The following TNC variants were observed in gnomAD, a reference collection of about 807,000 sequenced individuals.
The protein encoded by TNC is tenascin C.
In TNC, 109 loss-of-function variants were observed where a neutral mutation model predicts 202.4. That is an observed-to-expected ratio of 0.54 (90% CI 0.46 to 0.63). The LOEUF is 0.63. TNC is among the 30% of genes least tolerant of loss of function. The pLI, the probability that TNC is intolerant of heterozygous loss-of-function variation, is 0.00. For missense variants in TNC, 2,756 were observed against 2,833.3 expected, an observed-to-expected ratio of 0.97 and a Z score of 0.62; for synonymous variants, 1,007 against 1,089.7, an observed-to-expected ratio of 0.92 and a Z score of 1.50.
intron 21 of TNC, chr9:115,035,804 C>G (rs1830280471): frequency 2.9e-6 from 1 of 341,946 alleles, no homozygotes; most frequent in African/African-American, 2.1e-5. Flanking sequence ...GAACGTGGAT[C>G]ATTAAATACT....
rs1313802104 is a variant in TNC, at chr9:115,103,963, A to ACTAGATCC, written c.-136-12817_-136-12810dup. Among the ~76,000 whole-genome samples, 13 of 148,020 alleles carry ACTAGATCC rather than the reference A, an allele frequency of 8.8e-5. No individual in the cohort carries two copies. The Admixed American group carries it at 8.9e-4, about 10-fold the overall frequency. ...CTAAGAAATGCTCAGATGAAATATG[A>ACTAGATCC]CTAGATCCATTGATACATTCAGACC... On this transcript the variant is annotated intron_variant, in intron 1 of 27. Transcript: ENST00000350763.
At chr9:115,104,575 T>A (rs1328651574) in intron 1 of TNC, among the ~76,000 whole-genome samples, 1 of 152,206 alleles carries the variant, frequency 6.6e-6, no homozygotes, top group Non-Finnish European at 1.5e-5. Flanking sequence ...AATTGTGGCT[T>A]ATTCAACTAT....
intron 25 of TNC, among the ~76,000 whole-genome samples, chr9:115,028,724 G>C (rs999368316): frequency 4.6e-5 from 7 of 152,004 alleles, no homozygotes; most frequent in South Asian, 2.1e-4. Context: ...TATCTCCACA[G>C]ATAGTTATTC....
In TNC at chr9:115,058,500, G is replaced by A. The variant is rs185840800; in HGVS notation, c.4307-1075C>T. On this transcript the variant is annotated intron_variant, in intron 14 of 27. Transcript: ENST00000350763. The stretch of plus-strand genomic sequence containing the variant: ...GTGGTGGGTGATTACTTTGCCTTCT[G>A]GGAAGGGATGGTTTATGGGTCTCAG... Among the ~76,000 whole-genome samples the A allele has an allele frequency of 4.1e-4, 63 of 152,324 alleles. 1 individual carries two copies. The highest frequency in any genetic ancestry group is 6.2e-4 in the Non-Finnish European group (42 of 68,024).
Position 115,118,078 on chromosome 9 carries a change from A to C in TNC, c.-233T>G, listed in dbSNP as rs3748164. ...TGCGCGTTCCCCCGAGTTCCCCAGC[A>C]GCGCTGCCTTTGTGCCCACGGAGGC... is the stretch of plus-strand genomic sequence containing the variant. On this transcript the variant is annotated 5_prime_UTR_variant, in exon 1 of 28. Transcript: ENST00000350763. 4,489 of 152,320 alleles carry C rather than the reference A, an allele frequency of 0.029. 436 individuals are homozygous for C. In the East Asian group the frequency reaches 0.4, roughly 13 times the overall value. 9.4% of individuals were successfully genotyped at this position (152,320 alleles called of 1,614,324 possible). A position where few individuals can be genotyped will look rare whatever the true frequency, so the allele number is the denominator to read the frequency against.
chr9:115,099,144 G>A (rs1051164200), intron 1 of TNC, among the ~76,000 whole-genome samples: 2 of 152,168 alleles, frequency 1.3e-5, no homozygotes, highest in African/African-American at 4.8e-5. Context: ...TTAAGATGCT[G>A]GGGGAGCCAG....
intron 1 of TNC, among the ~76,000 whole-genome samples, chr9:115,100,623 T>C (rs1270136260): frequency 6.6e-6 from 1 of 152,184 alleles, no homozygotes; most frequent in Admixed American, 6.5e-5. Flanking sequence ...CTCTAGACCA[T>C]TGGGAGGCCT....
chr9:115,111,720 T>C (rs1280163851), intron 1 of TNC, among the ~76,000 whole-genome samples: 2 of 152,058 alleles, frequency 1.3e-5, no homozygotes, highest in African/African-American at 4.8e-5. Flanking sequence ...TAACTCTCTT[T>C]CTCATTGGCT....
chr9:115,089,179 C>T (rs1835021434), intron 2 of TNC, among the ~76,000 whole-genome samples: 1 of 152,092 alleles, frequency 6.6e-6, no homozygotes, highest in African/African-American at 2.4e-5. Flanking sequence ...TTAAAAATTG[C>T]CTTAGAAACC....
chr9:115,064,135 C>G, intron 11 of TNC, 67 bp from the exon 12 acceptor site: 2 of 1,422,270 alleles, frequency 1.4e-6, no homozygotes, highest in Non-Finnish European at 1.9e-6. Flanking sequence ...ATCTTTAACA[C>G]AAGAATAAGC....
intron 2 of TNC, among the ~76,000 whole-genome samples, chr9:115,087,829 G>A (rs867477922): frequency 1.7e-4 from 25 of 151,346 alleles, no homozygotes; most frequent in African/African-American, 5.1e-4. Context: ...AGCCTCCTGA[G>A]TAGCTGGGAC....
chr9:115,041,834 A>G (rs965360461), intron 18 of TNC, among the ~76,000 whole-genome samples: 6 of 152,206 alleles, frequency 3.9e-5, no homozygotes, highest in African/African-American at 1.4e-4. Context: ...ATTTGCTGAG[A>G]CAGACAGATT....
intron 26 of TNC, among the ~76,000 whole-genome samples, chr9:115,025,809 C>T (rs1829433293): frequency 6.6e-6 from 1 of 152,172 alleles, no homozygotes; most frequent in Admixed American, 6.5e-5. Context: ...TTTATTTCTC[C>T]TCTTATGTGG....
chr9:115,064,914 C>A lies in TNC; in HGVS notation c.3220G>T (p.Ala1074Ser). The change falls in exon 11 of 28, where the codon GCC becomes TCC. Residue 1074 changes from alanine (A) to serine (S), a missense_variant. Physicochemically the swap from Ala to Ser is moderately conservative, Grantham distance 99. Transcript: ENST00000350763. Reference sequence around the variant, plus strand: ...ACGGTGAGGTTTTCCAGCTCAGGGGCTTGTTCTGAATAATGACAGAGATGG... The same window carrying A: ...ACGGTGAGGTTTTCCAGCTCAGGGGATTGTTCTGAATAATGACAGAGATGG... Reference protein sequence around the residue: ...PARVKASTEQAPELENLTVTE... With the variant: ...PARVKASTEQSPELENLTVTE... 6.2e-7 allele frequency: 1 copy of A among 1,613,474 alleles called. No individual in the cohort carries two copies. Among genetic ancestry groups the A allele is most frequent in the Non-Finnish European group, 8.5e-7 (1 of 1,179,672 alleles).
chr9:115,082,775 A>T lies in TNC; in HGVS notation c.2164T>A (p.Ser722Thr). The T allele has an allele frequency of 6.2e-7, 1 of 1,614,104 alleles. No homozygotes were observed. Among genetic ancestry groups the T allele is most frequent in the South Asian group, 1.1e-5 (1 of 91,078 alleles). Residue 722 changes from serine (S) to threonine (T), a missense_variant, in exon 5 of 28, where the codon TCC becomes ACC. Around this residue, in one of 2 missense-constraint regions of TNC, gnomAD observed 2,559 missense variants for 2,546.0 expected, o/e 1.01. Transcript: ENST00000350763. ...LPAPEGLKFKSIKETSVEVEW... is the reference protein window; with the variant it reads ...LPAPEGLKFKTIKETSVEVEW... The stretch of plus-strand genomic sequence containing the variant: ...ACTTCCACAGATGTCTCCTTGATGG[A>T]CTTGAATTTCAGGCCTTCAGGTGCA...
At chr9:115,077,912 C>T in intron 7 of TNC, 31 bp downstream of exon 7, 1 of 1,603,780 alleles carries the variant, frequency 6.2e-7, no homozygotes, top group Non-Finnish European at 8.5e-7. Context: ...CTTTCCTTTA[C>T]TATATCTGTT....
At chr9:115,065,039 T>C in intron 10 of TNC, 120 bp from the exon 11 acceptor site, 1 of 1,109,046 alleles carries the variant, frequency 9.0e-7, no homozygotes. Flanking sequence ...AGTGCCAGGC[T>C]TTGTTCACTG....
At chr9:115,083,332 A>G (rs10982516) in intron 4 of TNC, among the ~76,000 whole-genome samples, 13,865 of 152,212 alleles carry the variant, frequency 0.091, 691 homozygotes, top group Middle Eastern at 0.16. Flanking sequence ...TGCTTTTTAG[A>G]TATGAAGGTA....
chr9:115,077,273 G>T (rs1350531971), intron 7 of TNC, among the ~76,000 whole-genome samples: 1 of 151,928 alleles, frequency 6.6e-6, no homozygotes, highest in South Asian at 2.1e-4. Context: ...AGCCAGAATG[G>T]TCTCAATCTC....
Sources: allele counts gnomAD v4.1 joint callset (sites outside exome capture counted in the v4.1 genomes callset), GRCh38; gene constraint gnomAD v4.1.1; regional missense constraint gnomAD v4.1.1; transcripts MANE v1.5; gene names NCBI Gene and HGNC (gene_info 2026-07-23, HGNC 2026-07-21).